DVL2: variants seen among roughly 807,000 people sequenced by gnomAD.
DVL2 encodes segment polarity protein dishevelled homolog DVL-2.
Under a neutral mutation model 69.8 loss-of-function variants are expected in DVL2, and 38 were observed. The ratio of observed to expected loss-of-function variants is 0.54; its 90% confidence interval spans 0.42 to 0.71. DVL2 has a LOEUF of 0.71. Ranked by LOEUF, DVL2 falls within the 30% of genes least tolerant of loss-of-function variation. DVL2 has a pLI of 0.00. For synonymous variants in DVL2, 428 were observed against 392.4 expected (o/e 1.09, Z -1.07); for missense variants, 931 against 1,008.1 (o/e 0.92, Z 1.04).
At chr17:7,233,625 T>C (rs2071582534) in intron 1 of DVL2, among the ~76,000 whole-genome samples, 1 of 152,000 alleles carries the variant, frequency 6.6e-6, no homozygotes, top group Admixed American at 6.6e-5. Flanking sequence ...TTTGTATTTT[T>C]AGTTAGTAGA....
rs1321994982 is a variant in DVL2 at position 7,225,416 on chromosome 17, T to C, written c.*449A>G. 4 of 455,816 alleles carry C rather than the reference T, an allele frequency of 8.8e-6. No homozygotes were observed. Among genetic ancestry groups the C allele is most frequent in the Non-Finnish European group, 1.6e-5 (4 of 249,416 alleles). 28.2% of individuals were successfully genotyped at this position (455,816 alleles called of 1,614,324 possible). A position where few individuals can be genotyped will look rare whatever the true frequency, so the allele number is the denominator to read the frequency against. ...AAATAGAGTAACAAAGGCAGCTACA[T>C]GGCCCAAATCTCCCAGCTTCCTCAG... is the stretch of plus-strand genomic sequence containing the variant. On this transcript the variant is annotated 3_prime_UTR_variant, in exon 15 of 15. Coordinates refer to ENST00000005340, the MANE Select transcript of DVL2 (RefSeq NM_004422.3).
intron 2 of DVL2, 149 bp from the exon 3 acceptor site, chr17:7,230,579 G>T: frequency 1.5e-6 from 2 of 1,336,364 alleles, no homozygotes; most frequent in Non-Finnish European, 2.1e-6. Context: ...GGAGAAGGCT[G>T]AGGGCCTCTC....
rs368358132 is a variant in DVL2, at chr17:7,226,060, G to A, written c.2016C>T (p.Gly672=). 1.2e-6 allele frequency: 2 copies of A among 1,604,180 alleles called. No individual in the cohort carries two copies. The highest frequency in any genetic ancestry group is 2.7e-5 in the African/African-American group (2 of 74,720). ...PGLHPYGPPP[G]MALPYNPMMV... is the part of the protein sequence containing the mutation. The stretch of plus-strand genomic sequence containing the variant: ...TCATGGGGTTGTAGGGGAGGGCCAT[G>A]CCAGGGGGCGGTCCATAGGGATGGA... Residue 672 remains glycine, a synonymous_variant, in exon 15 of 15, where the codon GGC becomes GGT. Coordinates refer to ENST00000005340, the MANE Select transcript of DVL2 (RefSeq NM_004422.3).
chr17:7,228,794 C>A, intron 9 of DVL2, 175 bp downstream of exon 9: 1 of 616,068 alleles, frequency 1.6e-6, no homozygotes, highest in Non-Finnish European at 2.9e-6. Flanking sequence ...ATTGGTCAGG[C>A]TGGTCTCGAA....
At position 7,234,145 on chromosome 17, in the gene DVL2, G is replaced by C; in HGVS notation, c.118C>G (p.Leu40Val). Residue 40 changes from leucine (L) to valine (V), a missense_variant, in exon 1 of 15, where the codon CTC (leucine) becomes GTC (valine). Physicochemically the swap from Leu to Val is conservative, Grantham distance 32. Around this residue, in one of 3 missense-constraint regions of DVL2, gnomAD observed 555 missense variants for 588.8 expected, o/e 0.94. Transcript: ENST00000005340. ...KIPVPAERIT[L>V]GDFKSVLQRP... is the part of the protein sequence containing the mutation. The stretch of plus-strand genomic sequence containing the variant: ...TGCAGGACGCTCTTGAAATCGCCGA[G>C]GGTGATGCGCTCGGCGGGGACAGGG... 1 of 1,614,114 alleles carries C rather than the reference G, an allele frequency of 6.2e-7. No homozygotes were observed. The highest frequency in any genetic ancestry group is 1.1e-5 in the South Asian group (1 of 91,082).
intron 13 of DVL2, 185 bp from the exon 14 acceptor site, chr17:7,226,824 C>A (rs1027797793): frequency 1.6e-5 from 10 of 630,848 alleles, no homozygotes; most frequent in Admixed American, 3.2e-5. Flanking sequence ...AGGGGCACAG[C>A]CACTAGCCCA....
intron 9 of DVL2, 102 bp downstream of exon 9, chr17:7,228,867 C>A (rs2071497768): frequency 1.6e-6 from 2 of 1,242,414 alleles, no homozygotes; most frequent in African/African-American, 3.0e-5. Flanking sequence ...CAGGCTCGAG[C>A]CACCACGCCC....
intron 13 of DVL2, 63 bp from the exon 14 acceptor site, chr17:7,226,702 G>A (rs140545048): frequency 9.2e-4 from 1,151 of 1,256,264 alleles, no homozygotes; most frequent in Non-Finnish European, 1.2e-3. Flanking sequence ...CCAAGACACC[G>A]AATGGAGAGG....
At chr17:7,233,884 T>G (rs1487227572) in intron 1 of DVL2, 185 bp downstream of exon 1, 8 of 679,436 alleles carry the variant, frequency 1.2e-5, no homozygotes, top group Admixed American at 2.5e-5. Flanking sequence ...TCTGTCCGTG[T>G]GCCTCAATCT....
At position 7,230,805 on chromosome 17, in the gene DVL2, G is replaced by A; in HGVS notation, c.195-8C>T. 1 of 1,611,620 alleles carries A rather than the reference G, an allele frequency of 6.2e-7. No homozygotes were observed. On this transcript the variant is annotated splice_polypyrimidine_tract_variant and splice_region_variant and intron_variant, in intron 1 of 14. Coordinates refer to ENST00000005340, the MANE Select transcript of DVL2 (RefSeq NM_004422.3). Reference sequence around the variant, plus strand: ...ATTTCTTCCTTCACCACCCTGCCAAGCGACAAGGTAGAGGTCAGTGAGCTG... The same window carrying A: ...ATTTCTTCCTTCACCACCCTGCCAAACGACAAGGTAGAGGTCAGTGAGCTG...
chr17:7,228,148 A>T (rs2071486761), intron 9 of DVL2, 104 bp from the exon 10 acceptor site: 2 of 950,172 alleles, frequency 2.1e-6, no homozygotes, highest in South Asian at 1.7e-5. Context: ...GAGGGGGAGA[A>T]GCAAGCACAT....
rs1222387088 is a variant in DVL2, at chr17:7,231,388, G to A, written c.195-591C>T. On this transcript the variant is annotated intron_variant, in intron 1 of 14. Transcript: ENST00000005340. ...TGAGATGGGAGAGTCGCTTGAACCC[G>A]GGAGACAGTGGTTGCAGTAAGTCGA... Among the ~76,000 whole-genome samples, 9 of 148,308 alleles carry A rather than the reference G, an allele frequency of 6.1e-5. No homozygotes were observed. In the East Asian group the frequency reaches 8.0e-4, roughly 13 times the overall value.
chr17:7,228,888 G>T, intron 9 of DVL2, 81 bp downstream of exon 9: 1 of 1,457,324 alleles, frequency 6.9e-7, no homozygotes, highest in Non-Finnish European at 9.6e-7. Flanking sequence ...GGCTGTCTTA[G>T]TACTTATTAA....
intron 1 of DVL2, among the ~76,000 whole-genome samples, chr17:7,230,999 C>G (rs911334188): frequency 1.3e-5 from 2 of 152,214 alleles, no homozygotes; most frequent in Non-Finnish European, 2.9e-5. Context: ...TTCTCCTCTC[C>G]CTAACGCACC....
intron 1 of DVL2, 112 bp from the exon 2 acceptor site, chr17:7,230,909 C>A: frequency 1.3e-6 from 1 of 756,046 alleles, no homozygotes; most frequent in South Asian, 1.8e-5. Flanking sequence ...CTTTCTCCTG[C>A]CCTGTTCAGG....
At chr17:7,226,885 T>C (rs1413089559) in intron 13 of DVL2, 3 of 652,136 alleles carry the variant, frequency 4.6e-6, no homozygotes, top group Non-Finnish European at 7.8e-6. Context: ...GTGGACACAG[T>C]CCTGCACCTG....
Position 7,229,286 on chromosome 17 carries a change from G to A in DVL2, c.818-12C>T. ...GAAGTTGTACTTCTCTGTGGAGAGA[G>A]GCCATGTGAAAAGAGGAGCCCCTGC... On this transcript the variant is annotated splice_polypyrimidine_tract_variant and intron_variant, in intron 7 of 14. Coordinates refer to ENST00000005340, the MANE Select transcript of DVL2 (RefSeq NM_004422.3). This position sits in a 1 kb window ranked among gnomAD's most constrained non-coding sequence, Gnocchi z 4.4. 1 of 1,613,744 alleles carries A rather than the reference G, an allele frequency of 6.2e-7. No homozygotes were observed. Among genetic ancestry groups the A allele is most frequent in the Non-Finnish European group, 8.5e-7 (1 of 1,179,870 alleles).
chr17:7,227,898 C>T, intron 10 of DVL2, 79 bp downstream of exon 10: 3 of 1,570,548 alleles, frequency 1.9e-6, no homozygotes, highest in South Asian at 2.4e-5. Context: ...CCACCCATTC[C>T]CCATGACCAC....
intron 1 of DVL2, among the ~76,000 whole-genome samples, chr17:7,233,783 G>C (rs968734282): frequency 6.6e-6 from 1 of 152,158 alleles, no homozygotes; most frequent in Non-Finnish European, 1.5e-5. Context: ...AATTTACTCA[G>C]TACAGACTAG....
Sources: allele counts gnomAD v4.1 joint callset (sites outside exome capture counted in the v4.1 genomes callset), GRCh38; gene constraint gnomAD v4.1.1; regional missense constraint gnomAD v4.1.1; non-coding constraint Gnocchi (gnomAD v3.1); transcripts MANE v1.5; gene names NCBI Gene and HGNC (gene_info 2026-07-23, HGNC 2026-07-21).